The following SLC9B1 variants were observed in gnomAD, a reference collection of about 807,000 sequenced individuals.
SLC9B1 encodes the protein sodium/hydrogen exchanger 9B1.
Under a neutral mutation model 51.7 loss-of-function variants are expected in SLC9B1, and 32 were observed. The observed-to-expected ratio is 0.62, with a 90% confidence interval of 0.47 to 0.83. The LOEUF (loss-of-function observed/expected upper bound fraction) is 0.83, where lower values mean the gene tolerates loss of function less well. Ranked by LOEUF, SLC9B1 falls within the 40% of genes least tolerant of loss-of-function variation. SLC9B1 has a pLI of 0.00. For synonymous variants in SLC9B1, 145 were observed against 212.7 expected, an observed-to-expected ratio of 0.68 and a Z score of 2.77; for missense variants, 406 against 613.2, an observed-to-expected ratio of 0.66 and a Z score of 3.57.
At chr4:102,998,346 ATGT>A (rs1384852209) in intron 1 of SLC9B1, among the ~76,000 whole-genome samples, 1 of 152,158 alleles carries the variant, frequency 6.6e-6, no homozygotes, top group East Asian at 1.9e-4. Context: ...AATTCTGTAC[ATGT>A]TGTAGCATGT....
chr4:102,916,025 A>C (rs1345858737), intron 7 of SLC9B1, among the ~76,000 whole-genome samples: 1 of 152,194 alleles, frequency 6.6e-6, no homozygotes, highest in Non-Finnish European at 1.5e-5. Flanking sequence ...AAGAGAGGAA[A>C]AGTGGAAAAA....
intron 1 of SLC9B1, among the ~76,000 whole-genome samples, chr4:102,999,077 C>T (rs564371757): frequency 1.2e-3 from 179 of 152,314 alleles, no homozygotes; most frequent in African/African-American, 4.2e-3. Flanking sequence ...TGGTCTCAAA[C>T]TCCCAGCCTC....
At chr4:102,993,743 C>T (rs1740073811) in intron 1 of SLC9B1, among the ~76,000 whole-genome samples, 1 of 152,194 alleles carries the variant, frequency 6.6e-6, no homozygotes, top group Non-Finnish European at 1.5e-5. Flanking sequence ...CCAGGCATTT[C>T]TATATACCCT....
intron 1 of SLC9B1, among the ~76,000 whole-genome samples, chr4:102,993,023 T>G (rs933001307): frequency 1.1e-4 from 16 of 152,158 alleles, no homozygotes; most frequent in African/African-American, 3.9e-4. Context: ...ACCCATGACA[T>G]GTGGGGATTG....
At chr4:102,924,302 G>A (rs1343501443) in intron 7 of SLC9B1, among the ~76,000 whole-genome samples, 1 of 152,150 alleles carries the variant, frequency 6.6e-6, no homozygotes, top group African/African-American at 2.4e-5. Flanking sequence ...AACGAGAAAT[G>A]GGGAAAGGAT....
chr4:102,975,582 A>ATTTTTTTTTTTTTTT (rs1361023040), intron 3 of SLC9B1, among the ~76,000 whole-genome samples: 2 of 73,526 alleles, frequency 2.7e-5, no homozygotes, highest in African/African-American at 6.3e-5. Context: ...ATATATATAT[A>ATTTTTTTTTTTTTTT]TATATTTTTT....
At chr4:102,991,861 T>G (rs1739955494) in intron 1 of SLC9B1, 149 bp from the exon 2 acceptor site, 2 of 526,102 alleles carry the variant, frequency 3.8e-6, no homozygotes. Flanking sequence ...ATAGTCAACA[T>G]AGATCCAAAT....
intron 1 of SLC9B1, among the ~76,000 whole-genome samples, chr4:102,996,211 T>C (rs1027141974): frequency 1.3e-5 from 2 of 152,186 alleles, no homozygotes; most frequent in Non-Finnish European, 2.9e-5. Context: ...TGTTCAAATC[T>C]CTTGTCCATT....
At chr4:102,977,667 T>G (rs959004956) in intron 3 of SLC9B1, among the ~76,000 whole-genome samples, 11 of 152,168 alleles carry the variant, frequency 7.2e-5, no homozygotes, top group African/African-American at 2.7e-4. Context: ...CCAGAAAAAT[T>G]TCTTGTCCCT....
chr4:102,993,846 T>G (rs1236436261), intron 1 of SLC9B1, among the ~76,000 whole-genome samples: 1 of 152,224 alleles, frequency 6.6e-6, no homozygotes, highest in Admixed American at 6.5e-5. Flanking sequence ...GCCTTGGGGC[T>G]TGCACCCTCT....
At chr4:102,998,843 T>C (rs137914959) in intron 1 of SLC9B1, among the ~76,000 whole-genome samples, 5 of 152,310 alleles carry the variant, frequency 3.3e-5, no homozygotes, top group Admixed American at 1.3e-4. Flanking sequence ...GAAATGTCTC[T>C]TCAAGTCCTT....
At chr4:102,908,453 A>G (rs1457614246) in intron 9 of SLC9B1, among the ~76,000 whole-genome samples, 28 of 152,410 alleles carry the variant, frequency 1.8e-4, no homozygotes, top group South Asian at 2.1e-4. Flanking sequence ...CAGTTAACTT[A>G]CAAACTGTAT....
chr4:102,950,727 C>T (rs1737508125), intron 3 of SLC9B1, among the ~76,000 whole-genome samples: 1 of 152,162 alleles, frequency 6.6e-6, no homozygotes, highest in South Asian at 2.1e-4. Flanking sequence ...GGCATGGTGG[C>T]TCATGCCTGT....
rs780797805 is a variant in SLC9B1, at chr4:102,949,445, G to A, written c.212-18C>T. ...TATAACTCCTGAAATACAAAAAAGT[G>A]TACAGCTATATATCTACATACACAT... On this transcript the variant is annotated intron_variant, in intron 3 of 11. Transcript: ENST00000296422. 3.2e-6 allele frequency: 5 copies of A among 1,548,230 alleles called. No individual in the cohort carries two copies. Among genetic ancestry groups the A allele is most frequent in the South Asian group, 1.3e-5 (1 of 77,322 alleles).
At chr4:102,972,099 C>A (rs1395493985) in intron 3 of SLC9B1, among the ~76,000 whole-genome samples, 260 of 152,266 alleles carry the variant, frequency 1.7e-3, no homozygotes, top group African/African-American at 5.9e-3. Flanking sequence ...TGAAACTATT[C>A]CAATCAATAT....
intron 6 of SLC9B1, among the ~76,000 whole-genome samples, chr4:102,944,393 A>G (rs1425866871): frequency 6.6e-6 from 1 of 152,214 alleles, no homozygotes; most frequent in African/African-American, 2.4e-5. Context: ...AAATTGGAGA[A>G]GAAAAAAACT....
rs544292736 is a variant in SLC9B1, at chr4:102,996,873, A to G, written c.-1-5161T>C. Among the ~76,000 whole-genome samples the G allele has an allele frequency of 2.0e-4, 30 of 151,972 alleles. No homozygotes were observed. The East Asian group carries it at 5.0e-3, about 25-fold the overall frequency. Reference sequence around the variant, plus strand: ...ACAATAATAGCTCACTACAGCCTCAATCTCCTGGGCTCAAGTGATCCTCCC... The same window carrying G: ...ACAATAATAGCTCACTACAGCCTCAGTCTCCTGGGCTCAAGTGATCCTCCC... On this transcript the variant is annotated intron_variant, in intron 1 of 11. Transcript: ENST00000296422.
rs886916405 is a variant in SLC9B1, at chr4:102,986,258, T to TC, written c.211+3541_211+3542insG. On this transcript the variant is annotated intron_variant, in intron 3 of 11. Coordinates refer to ENST00000296422, the MANE Select transcript of SLC9B1 (RefSeq NM_139173.4). ...CAGAATTCTAAGGCTGGTGTTGTTT[T>TC]TTTTTTTTTCTCTCTCTCAACATTT... Among the ~76,000 whole-genome samples the TC allele has an allele frequency of 1.6e-4, 17 of 107,694 alleles. No homozygotes were observed. The East Asian group carries it at 4.3e-3, about 27-fold the overall frequency. 70.7% of individuals were successfully genotyped at this position (107,694 alleles called of 152,430 possible).
At chr4:102,997,422 G>GT (rs1740283310) in intron 1 of SLC9B1, among the ~76,000 whole-genome samples, 1 of 151,954 alleles carries the variant, frequency 6.6e-6, no homozygotes, top group African/African-American at 2.4e-5. Flanking sequence ...GGTATTTTAT[G>GT]TTTTTTGGAT....
Sources: gnomAD v4.1 joint callset for allele counts (sites outside exome capture counted in the v4.1 genomes callset) on GRCh38, gnomAD v4.1.1 for gene constraint, MANE v1.5 for transcripts, NCBI Gene and HGNC (gene_info 2026-07-23, HGNC 2026-07-21) for gene names.